The following GALNTL6 variants were observed in gnomAD, a reference collection of about 807,000 sequenced individuals.
GALNTL6 encodes polypeptide N-acetylgalactosaminyltransferase like 6.
GALNTL6 carries 46 observed loss-of-function variants against 73.7 expected under a neutral mutation model. The observed-to-expected ratio is 0.62, with a 90% CI of 0.49 to 0.80. GALNTL6 has a LOEUF of 0.80. Ranked by LOEUF, GALNTL6 falls within the 30% of genes least tolerant of loss-of-function variation. The probability of loss-of-function intolerance (pLI) is 0.00; values close to 1 mark genes in which losing one functional copy is unlikely to be tolerated. For missense variants in GALNTL6, 604 were observed against 755.0 expected (o/e 0.80, Z 2.34); for synonymous variants, 259 against 263.7 (o/e 0.98, Z 0.17).
At chr4:172,266,722 A>G (rs530325806) in intron 3 of GALNTL6, among the ~76,000 whole-genome samples, 7 of 152,204 alleles carry the variant, frequency 4.6e-5, no homozygotes, top group African/African-American at 1.7e-4. Flanking sequence ...AAGGTTAATT[A>G]GCTATTTCCA....
At chr4:171,931,422 T>C (rs1288106845) in intron 2 of GALNTL6, among the ~76,000 whole-genome samples, 3 of 152,188 alleles carry the variant, frequency 2.0e-5, no homozygotes, top group Non-Finnish European at 2.9e-5. Context: ...CATAGAAAAG[T>C]ATCCCAGGAC....
At position 172,108,345 on chromosome 4, in the gene GALNTL6, T is replaced by C. The variant is rs373437054; in HGVS notation, c.139-121311T>C. ...CCAATAGGTATAAAGAGATTTACTA[T>C]AAAGAGTTGGCTCACATGATTATGG... On this transcript the variant is annotated intron_variant, in intron 2 of 12. Transcript: ENST00000506823. Among the ~76,000 whole-genome samples, 8 of 152,294 alleles carry C rather than the reference T, an allele frequency of 5.3e-5. No individual in the cohort carries two copies. In the East Asian group the frequency reaches 1.4e-3, roughly 26 times the overall value.
At chr4:172,909,699 C>T (rs1747097473) in intron 8 of GALNTL6, among the ~76,000 whole-genome samples, 1 of 152,004 alleles carries the variant, frequency 6.6e-6, no homozygotes, top group African/African-American at 2.4e-5. Flanking sequence ...AGTGGTACAA[C>T]CTCTAGTTGG....
intron 3 of GALNTL6, among the ~76,000 whole-genome samples, chr4:172,247,479 C>T (rs1737701927): frequency 6.6e-6 from 1 of 152,216 alleles, no homozygotes; most frequent in Admixed American, 6.5e-5. Flanking sequence ...TCATACAAAA[C>T]AGCTCCTTCC....
intron 9 of GALNTL6, among the ~76,000 whole-genome samples, chr4:172,933,649 TA>T (rs953154461): frequency 3.9e-5 from 6 of 152,096 alleles, no homozygotes; most frequent in Non-Finnish European, 5.9e-5. Context: ...TTTTTTAAGT[TA>T]AAAAAAGTAC....
intron 5 of GALNTL6, among the ~76,000 whole-genome samples, chr4:172,689,560 G>T (rs1176515823): frequency 6.6e-6 from 1 of 152,028 alleles, no homozygotes; most frequent in Non-Finnish European, 1.5e-5. Context: ...ATCTTATCAT[G>T]ACTCTGATAT....
chr4:172,952,313 C>T (rs1057075446), intron 10 of GALNTL6, 55 bp downstream of exon 10: 3 of 1,309,830 alleles, frequency 2.3e-6, no homozygotes, highest in East Asian at 2.4e-5. Context: ...GTGCCTCCCC[C>T]ATAGCCTCAG....
intron 5 of GALNTL6, among the ~76,000 whole-genome samples, chr4:172,612,009 A>G (rs1738543544): frequency 6.6e-6 from 1 of 152,058 alleles, no homozygotes; most frequent in South Asian, 2.1e-4. Context: ...GCATAATCCC[A>G]TTGTCTCAGT....
rs370147669 is a variant in GALNTL6, at chr4:172,914,732, C to T, written c.1042-16429C>T. 1.2e-4 allele frequency among the ~76,000 whole-genome samples: 18 copies of T among 152,256 alleles called. No individual in the cohort carries two copies. In the South Asian group the frequency reaches 3.3e-3, roughly 28 times the overall value. On this transcript the variant is annotated intron_variant, in intron 8 of 12. Coordinates refer to ENST00000506823, the MANE Select transcript of GALNTL6 (RefSeq NM_001034845.3). ...AATGTATATGCACCCAATACAGGAG[C>T]ACCCAGATTCATAAAGCAAGTCCTT...
At chr4:172,878,829 C>G (rs867829268) in intron 7 of GALNTL6, among the ~76,000 whole-genome samples, 2 of 151,738 alleles carry the variant, frequency 1.3e-5, no homozygotes, top group South Asian at 4.2e-4. Context: ...AGTTGACATG[C>G]AAGATGCAAG....
intron 2 of GALNTL6, among the ~76,000 whole-genome samples, chr4:172,104,342 A>AGAGAGGT (rs1223475570): frequency 6.6e-6 from 1 of 152,180 alleles, no homozygotes; most frequent in Non-Finnish European, 1.5e-5. Context: ...TTACTAAGAC[A>AGAGAGGT]GAGAGGTAAG....
chr4:172,489,909 A>G (rs1733836226), intron 5 of GALNTL6, among the ~76,000 whole-genome samples: 1 of 152,232 alleles, frequency 6.6e-6, no homozygotes, highest in Admixed American at 6.5e-5. Flanking sequence ...ACCATGCTAC[A>G]TATTGGATAC....
intron 5 of GALNTL6, among the ~76,000 whole-genome samples, chr4:172,743,637 G>A (rs141194830): frequency 1.4e-4 from 21 of 152,184 alleles, no homozygotes; most frequent in African/African-American, 5.1e-4. Context: ...GATGGCATCA[G>A]TGTAGTGGAC....
chr4:172,670,234 C>A (rs1731899314), intron 5 of GALNTL6, among the ~76,000 whole-genome samples: 1 of 152,122 alleles, frequency 6.6e-6, no homozygotes, highest in African/African-American at 2.4e-5. Flanking sequence ...GCCACACTGT[C>A]TTCTACAATA....
intron 7 of GALNTL6, among the ~76,000 whole-genome samples, chr4:172,856,240 T>A (rs1744116270): frequency 6.6e-6 from 1 of 152,188 alleles, no homozygotes; most frequent in African/African-American, 2.4e-5. Flanking sequence ...AATGAGTGAC[T>A]GGAACAACTC....
At chr4:172,741,517 T>A (rs1736803195) in intron 5 of GALNTL6, among the ~76,000 whole-genome samples, 1 of 152,080 alleles carries the variant, frequency 6.6e-6, no homozygotes. Flanking sequence ...TACACACATA[T>A]AATGTACTTT....
intron 2 of GALNTL6, among the ~76,000 whole-genome samples, chr4:172,181,332 G>A (rs1427404671): frequency 2.0e-5 from 3 of 152,130 alleles, no homozygotes; most frequent in Non-Finnish European, 4.4e-5. Flanking sequence ...ATCAATAAAT[G>A]TAATCCATCA....
intron 2 of GALNTL6, among the ~76,000 whole-genome samples, chr4:171,917,051 G>A (rs761164725): frequency 3.9e-5 from 6 of 152,030 alleles, no homozygotes; most frequent in Non-Finnish European, 8.8e-5. Flanking sequence ...TCTCTTCAGG[G>A]CCATCAGGGT....
intron 2 of GALNTL6, among the ~76,000 whole-genome samples, chr4:172,037,408 T>G (rs986087593): frequency 2.0e-5 from 3 of 152,160 alleles, no homozygotes; most frequent in African/African-American, 7.2e-5. Context: ...TTCTTAAAAA[T>G]ATCTAGTCCT....
Sources: gnomAD v4.1 joint callset for allele counts (sites outside exome capture counted in the v4.1 genomes callset) on GRCh38, gnomAD v4.1.1 for gene constraint, MANE v1.5 for transcripts, NCBI Gene and HGNC (gene_info 2026-07-23, HGNC 2026-07-21) for gene names.